TRPM2: variants seen among roughly 807,000 people sequenced by gnomAD.
TRPM2 encodes transient receptor potential cation channel subfamily M member 2, also known as estrogen-responsive element-associated gene 1 protein.
TRPM2 carries 161 observed loss-of-function variants against 174.0 expected under a neutral mutation model. The observed-to-expected ratio is 0.93, with a 90% CI of 0.81 to 1.05. The LOEUF (loss-of-function observed/expected upper bound fraction) is 1.05, where lower values mean the gene tolerates loss of function less well. TRPM2 is among the 50% of genes least tolerant of loss of function. The pLI is 0.00. For missense variants in TRPM2, 2,057 were observed against 2,038.0 expected (o/e 1.01, Z -0.18); for synonymous variants, 954 against 861.3 (o/e 1.11, Z -1.88).
Position 44,405,967 on chromosome 21 carries a change from G to C in TRPM2, c.2720G>C (p.Cys907Ser). The C allele has an allele frequency of 6.2e-7, 1 of 1,608,696 alleles. No individual in the cohort carries two copies. The highest frequency in any genetic ancestry group is 1.7e-5 in the Admixed American group (1 of 59,982). The change falls in exon 18 of 32, where the codon TGC becomes TCC. Residue 907 changes from cysteine to serine, a missense_variant. Transcript: ENST00000397928. ...CTCTCTCTGGACTTCATCCTGTTCTGCCTCCGGCTCATGCACATTTTTACC... is the reference window on the plus strand; with the variant it reads ...CTCTCTCTGGACTTCATCCTGTTCTCCCTCCGGCTCATGCACATTTTTACC... ...VILSLDFILF[C>S]LRLMHIFTIS...
intron 15 of TRPM2, 90 bp from the exon 16 acceptor site, chr21:44,401,591 G>T: frequency 3.0e-6 from 4 of 1,352,054 alleles, no homozygotes; most frequent in Non-Finnish European, 4.2e-6. Flanking sequence ...TCTCTGAGGG[G>T]CACGGGGGAT....
rs1178707612 is a variant in TRPM2, at chr21:44,432,899, G to C, written c.3975-2232G>C. ...GGGTTGTGTGCGTAGGTTTATGGAC[G>C]GGCCTATGCCTTGATGTCGTGATGG... On this transcript the variant is annotated intron_variant, in intron 27 of 31. Coordinates refer to ENST00000397928, the MANE Select transcript of TRPM2 (RefSeq NM_003307.4). This position sits in a 1 kb window ranked among gnomAD's most constrained non-coding sequence, Gnocchi z 4.9. Among the ~76,000 whole-genome samples the C allele has an allele frequency of 1.3e-5, 2 of 152,140 alleles. No individual in the cohort carries two copies. Among genetic ancestry groups the C allele is most frequent in the African/African-American group, 2.4e-5 (1 of 41,418 alleles).
At chr21:44,374,357 A>T (rs2048633668) in intron 5 of TRPM2, among the ~76,000 whole-genome samples, 1 of 152,144 alleles carries the variant, frequency 6.6e-6, no homozygotes, top group African/African-American at 2.4e-5. Flanking sequence ...TTTTGGCACC[A>T]GGAACTGGTT....
chr21:44,380,733 C>T (rs1339669438), intron 8 of TRPM2, among the ~76,000 whole-genome samples: 3 of 152,196 alleles, frequency 2.0e-5, no homozygotes, highest in Admixed American at 6.5e-5. Flanking sequence ...TGGGCGGCCC[C>T]GTCAGAGGGG....
At position 44,366,965 on chromosome 21, in the gene TRPM2, C is replaced by T. The variant is rs1391092666; in HGVS notation, c.604+31C>T. The stretch of plus-strand genomic sequence containing the variant: ...TCGGAGGCTGGAGGGACACGAGGCC[C>T]CGGCGGGTGGGGTGGGCTGTGGAGG... On this transcript the variant is annotated intron_variant, in intron 4 of 31. Coordinates refer to ENST00000397928, the MANE Select transcript of TRPM2 (RefSeq NM_003307.4). The surrounding 1 kb of genome is among the most constrained non-coding windows in gnomAD (Gnocchi z 6.0). The T allele has an allele frequency of 6.5e-7, 1 of 1,546,922 alleles. No individual in the cohort carries two copies. The highest frequency in any genetic ancestry group is 8.7e-7 in the Non-Finnish European group (1 of 1,143,602).
chr21:44,440,019 C>A (rs1437990980), intron 30 of TRPM2, among the ~76,000 whole-genome samples: 5 of 151,660 alleles, frequency 3.3e-5, no homozygotes, highest in African/African-American at 1.2e-4. Context: ...TGCGCCCAGC[C>A]CTTTATGGAC....
intron 11 of TRPM2, among the ~76,000 whole-genome samples, chr21:44,393,406 C>T (rs2049243039): frequency 6.6e-6 from 1 of 152,130 alleles, no homozygotes. Context: ...TTCAGCTTGG[C>T]CTCAGTGCAA....
chr21:44,427,120 GC>G lies in TRPM2; in HGVS notation c.3974+14del. ...CAGGCCGGGTTGCCCCTGTGAGTGT[GC>G]CCCCTGCGGGCCCCGCCCCGTCAGC... On this transcript the variant is annotated intron_variant, in intron 27 of 31. Coordinates refer to ENST00000397928, the MANE Select transcript of TRPM2 (RefSeq NM_003307.4). The G allele has an allele frequency of 6.4e-7, 1 of 1,572,128 alleles. No individual in the cohort carries two copies. The highest frequency in any genetic ancestry group is 1.2e-5 in the South Asian group (1 of 86,096).
intron 9 of TRPM2, among the ~76,000 whole-genome samples, chr21:44,384,486 G>A (rs988642185): frequency 1.3e-5 from 2 of 152,202 alleles, no homozygotes; most frequent in Non-Finnish European, 2.9e-5. Context: ...GCATGAAAGA[G>A]AGTAAGAAAG....
Position 44,437,254 on chromosome 21 carries a change from C to CCAGCCCCCTG in TRPM2, c.4167+105_4167+114dup, listed in dbSNP as rs113722965. ...ATCCATTCTGCCCACGGACTGGACA[C>CCAGCCCCCTG]CAGCCCCCTGCAGCCCCCTGCAGCC... On this transcript the variant is annotated intron_variant, in intron 29 of 31. Transcript: ENST00000397928. The CCAGCCCCCTG allele has an allele frequency of 1.6e-3, 2,074 of 1,301,614 alleles. 2 individuals carry two copies. The highest frequency in any genetic ancestry group is 6.4e-3 in the African/African-American group (433 of 67,186). The allele number at this position is 1,301,614 out of a possible 1,614,324, so 80.6% of individuals were successfully genotyped here. A position where few individuals can be genotyped will look rare whatever the true frequency, so the allele number is the denominator to read the frequency against.
At chr21:44,361,738 C>T (rs571209300) in intron 2 of TRPM2, among the ~76,000 whole-genome samples, 3 of 151,898 alleles carry the variant, frequency 2.0e-5, no homozygotes, top group Non-Finnish European at 4.4e-5. Context: ...GACAGAGTCT[C>T]ACTCTGTTGC....
At chr21:44,414,240 G>T (rs1458702118) in intron 20 of TRPM2, among the ~76,000 whole-genome samples, 166 bp downstream of exon 20, 1 of 152,208 alleles carries the variant, frequency 6.6e-6, no homozygotes, top group Non-Finnish European at 1.5e-5. Flanking sequence ...ACTCTCTGTG[G>T]TCACTGCTGC....
intron 2 of TRPM2, among the ~76,000 whole-genome samples, chr21:44,355,451 T>G (rs1020070651): frequency 3.3e-5 from 5 of 152,246 alleles, no homozygotes; most frequent in African/African-American, 1.2e-4. Context: ...CATTGCCTGG[T>G]GAGCTCCTAC....
chr21:44,364,689 G>C (rs1050660952), intron 3 of TRPM2, among the ~76,000 whole-genome samples: 3 of 152,088 alleles, frequency 2.0e-5, no homozygotes, highest in African/African-American at 7.2e-5. Context: ...GGAGGGAAAA[G>C]CTGGGGGAAG....
intron 7 of TRPM2, among the ~76,000 whole-genome samples, chr21:44,378,274 G>A (rs1433499337): frequency 6.6e-6 from 1 of 152,228 alleles, no homozygotes; most frequent in Admixed American, 6.5e-5. Context: ...GCTTTGTGGC[G>A]TGCAGGGTGC....
At chr21:44,406,926 T>G in intron 19 of TRPM2, among the ~76,000 whole-genome samples, 161 bp downstream of exon 19, 1 of 150,262 alleles carries the variant, frequency 6.7e-6, no homozygotes, top group African/African-American at 2.5e-5. Context: ...CCCCAGCTCC[T>G]GTGGCAGGAA....
chr21:44,411,993 T>C (rs1173593680), intron 19 of TRPM2, among the ~76,000 whole-genome samples: 1 of 152,328 alleles, frequency 6.6e-6, no homozygotes. Context: ...TGGATTCACT[T>C]TGCTAGCTGT....
Position 44,425,738 on chromosome 21 carries a change from GACAGCT to G in TRPM2, c.3709_3714del (p.Ser1237_Tyr1238del). The G allele has an allele frequency of 6.3e-7, 1 of 1,584,672 alleles. No individual in the cohort carries two copies. Among genetic ancestry groups the G allele is most frequent in the Non-Finnish European group, 8.6e-7 (1 of 1,163,076 alleles). ...CAGGAAGAAGACGGAGGAGCCGGGC[GACAGCT>G]ACCACGTGAATGCCCGGCACCTCCT... On this transcript the variant is annotated inframe_deletion, in exon 25 of 32. Coordinates refer to ENST00000397928, the MANE Select transcript of TRPM2 (RefSeq NM_003307.4).
intron 22 of TRPM2, among the ~76,000 whole-genome samples, chr21:44,419,197 G>T (rs956405413): frequency 6.6e-6 from 1 of 152,152 alleles, no homozygotes; most frequent in Non-Finnish European, 1.5e-5. Context: ...AGAGGAGGAG[G>T]GGGAAATGGA....
Sources: gnomAD v4.1 joint callset for allele counts (sites outside exome capture counted in the v4.1 genomes callset) on GRCh38, gnomAD v4.1.1 for gene constraint, Gnocchi (gnomAD v3.1) non-coding constraint, MANE v1.5 for transcripts, NCBI Gene and HGNC (gene_info 2026-07-23, HGNC 2026-07-21) for gene names.